PANK3: variants seen among roughly 807,000 people sequenced by gnomAD.
PANK3 encodes hPanK3.
A neutral mutation model predicts 39.4 loss-of-function variants in PANK3; 20 were observed. The observed-to-expected ratio is 0.51, with a 90% CI of 0.36 to 0.74. The LOEUF (loss-of-function observed/expected upper bound fraction) is 0.74. PANK3 is among the 30% of genes least tolerant of loss of function. The probability of loss-of-function intolerance (pLI) is 0.00; values close to 1 mark genes in which losing one functional copy is unlikely to be tolerated. For missense variants in PANK3, 265 were observed against 437.0 expected, an observed-to-expected ratio of 0.61 and a Z score of 3.51; for synonymous variants, 140 against 157.3, an observed-to-expected ratio of 0.89 and a Z score of 0.82.
At chr5:168,576,714 T>C (rs1759735933) in intron 1 of PANK3, among the ~76,000 whole-genome samples, 2 of 152,244 alleles carry the variant, frequency 1.3e-5, no homozygotes, top group South Asian at 4.2e-4. Context: ...TCTTCTAGTA[T>C]GCAGTTAAAT....
At chr5:168,570,301 C>T (rs1485795612) in intron 1 of PANK3, among the ~76,000 whole-genome samples, 3 of 150,698 alleles carry the variant, frequency 2.0e-5, no homozygotes, top group Non-Finnish European at 2.9e-5. Context: ...AGGAGAATGG[C>T]GTGAACCCGG....
intron 1 of PANK3, among the ~76,000 whole-genome samples, chr5:168,578,338 T>G (rs1220880109): frequency 6.6e-6 from 1 of 152,236 alleles, no homozygotes; most frequent in East Asian, 1.9e-4. Flanking sequence ...GTCAGCGCCC[T>G]GTTTTATAGT....
intron 3 of PANK3, 138 bp from the exon 4 acceptor site, chr5:168,564,203 T>C: frequency 2.7e-6 from 2 of 737,602 alleles, no homozygotes; most frequent in Non-Finnish European, 2.0e-6. Context: ...TGAAATAACA[T>C]AACGAAGGCA....
intron 1 of PANK3, among the ~76,000 whole-genome samples, chr5:168,571,726 T>A (rs1759633880): frequency 6.6e-6 from 1 of 152,206 alleles, no homozygotes. Flanking sequence ...GTCTATACAT[T>A]TCTCCATTTT....
intron 1 of PANK3, among the ~76,000 whole-genome samples, chr5:168,570,249 G>A (rs566612312): frequency 6.6e-6 from 1 of 152,028 alleles, no homozygotes; most frequent in African/African-American, 2.4e-5. Context: ...GCCGGCCGTG[G>A]TGGCAGGCGC....
chr5:168,567,419 A>G (rs1472169827), intron 2 of PANK3, among the ~76,000 whole-genome samples: 1 of 152,126 alleles, frequency 6.6e-6, no homozygotes, highest in Admixed American at 6.5e-5. Flanking sequence ...AAATGATTAC[A>G]TTCATCATTT....
chr5:168,577,409 A>G (rs1759747243), intron 1 of PANK3, among the ~76,000 whole-genome samples: 1 of 151,976 alleles, frequency 6.6e-6, no homozygotes. Flanking sequence ...TTATTTGGGG[A>G]AAAACAGGGG....
At position 168,557,288 on chromosome 5, in the gene PANK3, G is replaced by T; in HGVS notation, c.*283C>A. On this transcript the variant is annotated 3_prime_UTR_variant, in exon 7 of 7. Coordinates refer to ENST00000239231, the MANE Select transcript of PANK3 (RefSeq NM_024594.4). ...GATTTGTGTTTGAGCATACAGTACT[G>T]CAATGTTGGCTACATAAAATAAAAA... 1 of 359,462 alleles carries T rather than the reference G, an allele frequency of 2.8e-6. No individual in the cohort carries two copies. Among genetic ancestry groups the T allele is most frequent in the Non-Finnish European group, 5.2e-6 (1 of 194,140 alleles). 22.3% of individuals were successfully genotyped at this position (359,462 alleles called of 1,614,324 possible).
At chr5:168,575,092 A>G (rs1759711498) in intron 1 of PANK3, among the ~76,000 whole-genome samples, 1 of 152,182 alleles carries the variant, frequency 6.6e-6, no homozygotes, top group African/African-American at 2.4e-5. Flanking sequence ...AACACACATT[A>G]CACAAATATA....
chr5:168,569,211 G>A (rs2113123592), intron 1 of PANK3, among the ~76,000 whole-genome samples: 1 of 130,152 alleles, frequency 7.7e-6, no homozygotes, highest in Non-Finnish European at 1.6e-5. Flanking sequence ...TTGAGATGGA[G>A]TCTCGCTCTG....
chr5:168,558,247 C>T (rs1250915470), intron 6 of PANK3, among the ~76,000 whole-genome samples: 2 of 151,682 alleles, frequency 1.3e-5, no homozygotes, highest in African/African-American at 2.4e-5. Context: ...GCAGGCTCCG[C>T]CCCCTGGGGT....
chr5:168,570,165 G>A (rs1370284633), intron 1 of PANK3, among the ~76,000 whole-genome samples: 2 of 152,048 alleles, frequency 1.3e-5, no homozygotes, highest in African/African-American at 4.8e-5. Flanking sequence ...GGTGGATCAC[G>A]AGGTCAGGAG....
chr5:168,563,893 A>T lies in PANK3; in HGVS notation c.808T>A (p.Ser270Thr). Residue 270 changes from serine to threonine, a missense_variant, in exon 4 of 7, where the codon TCT becomes ACT. By Grantham distance (58) the Ser-to-Thr change is moderately conservative. This residue lies in a region of PANK3 where 110 missense variants were observed against 161.2 expected (regional missense o/e 0.68). Transcript: ENST00000239231. ...TAACACAAATGTTAAACTTACCTAG[A>T]TGCTACAGCCCAACCTGGCAAACCA... Reference protein sequence around the residue: ...RFGLPGWAVASSFGNMIYKEK... With the variant: ...RFGLPGWAVATSFGNMIYKEK... The T allele has an allele frequency of 6.2e-7, 1 of 1,600,134 alleles. No homozygotes were observed. Among genetic ancestry groups the T allele is most frequent in the Non-Finnish European group, 8.5e-7 (1 of 1,174,540 alleles).
At chr5:168,563,679 TAA>T (rs11336922) in intron 4 of PANK3, among the ~76,000 whole-genome samples, 10,771 of 148,622 alleles carry the variant, frequency 0.072, 1,269 homozygotes, top group African/African-American at 0.25. Context: ...ACTCAAAAAT[TAA>T]AAAAAAAAAA....
At position 168,551,490 on chromosome 5, in the gene PANK3, C is replaced by T. The variant is rs1759271460; in HGVS notation, c.*6081G>A. 1 of 152,084 alleles carries T rather than the reference C, an allele frequency of 6.6e-6. No homozygotes were observed. The highest frequency in any genetic ancestry group is 2.4e-5 in the African/African-American group (1 of 41,418). The allele number at this position is 152,084 out of a possible 1,614,324, so 9.4% of individuals were successfully genotyped here. On this transcript the variant is annotated 3_prime_UTR_variant, in exon 7 of 7. Coordinates refer to ENST00000239231, the MANE Select transcript of PANK3 (RefSeq NM_024594.4). The stretch of plus-strand genomic sequence containing the variant: ...TTCTCAAATGCAATAGACTAAAATG[C>T]ATAAAGTGCTCAACAGAAAAAGATA...
rs968878566 is a variant in PANK3 at position 168,551,361 on chromosome 5, A to G, written c.*6210T>C. 1 of 152,178 alleles carries G rather than the reference A, an allele frequency of 6.6e-6. No individual in the cohort carries two copies. Among genetic ancestry groups the G allele is most frequent in the African/African-American group, 2.4e-5 (1 of 41,448 alleles). The allele number at this position is 152,178 out of a possible 1,614,324, so 9.4% of individuals were successfully genotyped here. A position where few individuals can be genotyped will look rare whatever the true frequency, so the allele number is the denominator to read the frequency against. On this transcript the variant is annotated 3_prime_UTR_variant, in exon 7 of 7. Coordinates refer to ENST00000239231, the MANE Select transcript of PANK3 (RefSeq NM_024594.4). Reference sequence around the variant, plus strand: ...AATATATTTCTAATGTTTTGTTCACACCCACCACAAAACAGTTAAGTTAAA... The same window carrying G: ...AATATATTTCTAATGTTTTGTTCACGCCCACCACAAAACAGTTAAGTTAAA...
chr5:168,570,274 A>T (rs1309599437), intron 1 of PANK3, among the ~76,000 whole-genome samples: 3 of 150,104 alleles, frequency 2.0e-5, no homozygotes, highest in African/African-American at 7.4e-5. Context: ...AGTCCCAGCT[A>T]CTCTGGAGGC....
At chr5:168,561,668 A>C in intron 4 of PANK3, 152 bp from the exon 5 acceptor site, 1 of 559,740 alleles carries the variant, frequency 1.8e-6, no homozygotes, top group Non-Finnish European at 2.7e-6. Context: ...TAACAAAAAA[A>C]ATCTATGCAA....
At chr5:168,575,798 AT>A (rs1410271720) in intron 1 of PANK3, among the ~76,000 whole-genome samples, 10 of 152,136 alleles carry the variant, frequency 6.6e-5, no homozygotes, top group Admixed American at 1.3e-4. Context: ...AAGAAAAAAA[AT>A]AAAAAGAAAT....
Sources: gnomAD v4.1 joint callset for allele counts (sites outside exome capture counted in the v4.1 genomes callset) on GRCh38, gnomAD v4.1.1 for gene constraint, gnomAD v4.1.1 regional missense constraint, MANE v1.5 for transcripts, NCBI Gene and HGNC (gene_info 2026-07-23, HGNC 2026-07-21) for gene names.